GLI2: variants seen among roughly 807,000 people sequenced by gnomAD.
The protein encoded by GLI2 is transcription activator GLI2.
Under a neutral mutation model 78.9 loss-of-function variants are expected in GLI2, and 22 were observed. The ratio of observed to expected loss-of-function variants is 0.28; its 90% confidence interval spans 0.20 to 0.40. GLI2 has a LOEUF of 0.40. GLI2 is among the 10% of genes least tolerant of loss of function. The pLI is 1.00. For synonymous variants in GLI2, 974 were observed against 963.7 expected, an observed-to-expected ratio of 1.01 and a Z score of -0.20; for missense variants, 2,097 against 2,213.2, an observed-to-expected ratio of 0.95 and a Z score of 1.05.
chr2:120,988,285 C>T lies in GLI2; in HGVS notation c.2320C>T (p.Leu774=). The T allele has an allele frequency of 6.4e-7, 1 of 1,565,838 alleles. No homozygotes were observed. Among genetic ancestry groups the T allele is most frequent in the East Asian group, 2.4e-5 (1 of 41,966 alleles). Residue 774 remains leucine (L), a synonymous_variant, in exon 14 of 14, where the codon CTG becomes TTG. Coordinates refer to ENST00000361492, the MANE Select transcript of GLI2 (RefSeq NM_001374353.1). ...GCTGCCGAACCCGCGGCTGTCGGAG[C>T]TGTCCGCGAGCGAGGTGACCATGCT... The part of the protein sequence containing the change: ...GLLPNPRLSE[L]SASEVTMLSQ...
intron 2 of GLI2, among the ~76,000 whole-genome samples, chr2:120,830,249 C>T (rs1686293232): frequency 6.6e-6 from 1 of 152,196 alleles, no homozygotes; most frequent in South Asian, 2.1e-4. Flanking sequence ...GTGTCTTGAG[C>T]CCCTCCTTGC....
At chr2:120,795,786 A>C (rs1349203124) in intron 1 of GLI2, among the ~76,000 whole-genome samples, 1 of 152,138 alleles carries the variant, frequency 6.6e-6, no homozygotes, top group Non-Finnish European at 1.5e-5. Context: ...GCGGTGGCTC[A>C]CGCCTGTAAT....
intron 2 of GLI2, among the ~76,000 whole-genome samples, chr2:120,901,051 C>G (rs1447110271): frequency 2.0e-5 from 3 of 152,196 alleles, no homozygotes; most frequent in Non-Finnish European, 4.4e-5. Flanking sequence ...CCCTCGCCCC[C>G]ACTTGCATAG....
At chr2:120,774,003 T>C (rs1683605380) in intron 1 of GLI2, among the ~76,000 whole-genome samples, 1 of 132,296 alleles carries the variant, frequency 7.6e-6, no homozygotes. Context: ...TCCTCCCCCC[T>C]TTCTTCCCTC....
At chr2:120,789,809 C>T (rs1332595196) in intron 1 of GLI2, among the ~76,000 whole-genome samples, 1 of 152,242 alleles carries the variant, frequency 6.6e-6, no homozygotes, top group African/African-American at 2.4e-5. Context: ...ACCAGCACTG[C>T]CGTATCTTAG....
At chr2:120,948,536 C>G (rs1248962090) in intron 3 of GLI2, among the ~76,000 whole-genome samples, 1 of 152,192 alleles carries the variant, frequency 6.6e-6, no homozygotes, top group Non-Finnish European at 1.5e-5. Flanking sequence ...TCTCCAGGCC[C>G]AGCTGCCTCC....
At chr2:120,972,589 C>T in intron 8 of GLI2, 2 of 513,930 alleles carry the variant, frequency 3.9e-6, no homozygotes, top group South Asian at 2.9e-5. Flanking sequence ...GCACACCTGT[C>T]TCCCTGTCTG....
intron 2 of GLI2, among the ~76,000 whole-genome samples, chr2:120,867,775 G>A (rs1688218294): frequency 6.6e-6 from 1 of 152,230 alleles, no homozygotes. Context: ...AAGGCAGGGA[G>A]GCTGTGCTGG....
intron 2 of GLI2, among the ~76,000 whole-genome samples, chr2:120,823,716 G>A (rs1164704354): frequency 6.6e-6 from 1 of 152,196 alleles, no homozygotes; most frequent in Non-Finnish European, 1.5e-5. Flanking sequence ...GGAGAGCTGG[G>A]CCTCAGGGTG....
chr2:120,988,931 G>A lies in GLI2; in HGVS notation c.2966G>A (p.Gly989Asp). ...CTGCCGCCCTGTGCCGACAGGCGAG[G>A]CCTCCGCCTGCAGAGCCACCCGAGC... Reference protein sequence around the residue: ...GPLPPCADRRGLRLQSHPSTD... With the variant: ...GPLPPCADRRDLRLQSHPSTD... The change falls in exon 14 of 14, where the codon GGC becomes GAC. Residue 989 changes from glycine (G) to aspartate (D), a missense_variant. Gly to Asp is a moderately conservative substitution (Grantham distance 94, BLOSUM62 -1). Coordinates refer to ENST00000361492, the MANE Select transcript of GLI2 (RefSeq NM_001374353.1). The A allele has an allele frequency of 3.9e-6, 6 of 1,526,898 alleles. No homozygotes were observed. Among genetic ancestry groups the A allele is most frequent in the Non-Finnish European group, 5.3e-6 (6 of 1,141,080 alleles). 94.6% of individuals were successfully genotyped at this position (1,526,898 alleles called of 1,614,324 possible). A position where few individuals can be genotyped will look rare whatever the true frequency, so the allele number is the denominator to read the frequency against.
At chr2:120,974,805 T>G in intron 8 of GLI2, 170 bp from the exon 9 acceptor site, 1 of 837,728 alleles carries the variant, frequency 1.2e-6, no homozygotes, top group Non-Finnish European at 2.0e-6. Context: ...TGTGTGTGTC[T>G]GCATGCATGT....
chr2:120,931,820 C>T (rs1679956571), intron 3 of GLI2, among the ~76,000 whole-genome samples: 1 of 152,196 alleles, frequency 6.6e-6, no homozygotes, highest in Non-Finnish European at 1.5e-5. Context: ...GGGTGCAGAT[C>T]TCCTCCCCAG....
intron 2 of GLI2, among the ~76,000 whole-genome samples, chr2:120,801,358 C>T (rs754186685): frequency 2.6e-5 from 4 of 152,072 alleles, no homozygotes; most frequent in South Asian, 2.1e-4. Context: ...AGGCTGGTCT[C>T]GAATTCCTGA....
chr2:120,920,628 G>A (rs1303979781), intron 2 of GLI2, among the ~76,000 whole-genome samples: 1 of 152,080 alleles, frequency 6.6e-6, no homozygotes, highest in Non-Finnish European at 1.5e-5. Flanking sequence ...AAAGTTCCAG[G>A]ATTTTAAAGA....
At chr2:120,905,738 C>G (rs773185231) in intron 2 of GLI2, among the ~76,000 whole-genome samples, 6 of 152,222 alleles carry the variant, frequency 3.9e-5, no homozygotes, top group Non-Finnish European at 8.8e-5. Context: ...CCAGGAAGGC[C>G]TGGGCTTCTC....
At chr2:120,932,828 C>A (rs1385956155) in intron 3 of GLI2, among the ~76,000 whole-genome samples, 1 of 152,138 alleles carries the variant, frequency 6.6e-6, no homozygotes, top group African/African-American at 2.4e-5. Context: ...AGAGGCCGGC[C>A]ACAGCATGTC....
At chr2:120,809,237 A>C (rs570725963) in intron 2 of GLI2, among the ~76,000 whole-genome samples, 1 of 152,236 alleles carries the variant, frequency 6.6e-6, no homozygotes, top group African/African-American at 2.4e-5. Flanking sequence ...CCTCGCAAAC[A>C]TATGCTAAGA....
intron 2 of GLI2, among the ~76,000 whole-genome samples, chr2:120,833,396 T>C (rs1338184110): frequency 1.3e-5 from 2 of 152,144 alleles, no homozygotes; most frequent in African/African-American, 4.8e-5. Context: ...ACATGGGATC[T>C]ATACCAAGTT....
At chr2:120,958,478 C>T (rs902201470) in intron 5 of GLI2, among the ~76,000 whole-genome samples, 2 of 152,120 alleles carry the variant, frequency 1.3e-5, no homozygotes, top group African/African-American at 2.4e-5. Context: ...TCACCCCTCC[C>T]GGGCCAGACA....
Sources: gnomAD v4.1 joint callset for allele counts (sites outside exome capture counted in the v4.1 genomes callset) on GRCh38, gnomAD v4.1.1 for gene constraint, MANE v1.5 for transcripts, NCBI Gene and HGNC (gene_info 2026-07-23, HGNC 2026-07-21) for gene names.